Variants in KMO observed in about 807,000 individuals in gnomAD.
The protein encoded by KMO is kynurenine 3-monooxygenase.
KMO carries 24 observed loss-of-function variants against 57.8 expected under a neutral mutation model. That is an observed-to-expected ratio of 0.42 (90% confidence interval 0.30 to 0.58). The LOEUF (loss-of-function observed/expected upper bound fraction) is 0.58. Among genes scored for constraint, KMO ranks in the 20% least tolerant of loss-of-function variants. KMO has a pLI of 0.22. For synonymous variants in KMO, 210 were observed against 193.6 expected (o/e 1.08, Z -0.70); for missense variants, 483 against 588.2 (o/e 0.82, Z 1.85).
chr1:241,576,015 CTTCT>C lies in KMO; in HGVS notation c.957+7371_957+7374del, dbSNP rs1166712197. On this transcript the variant is annotated intron_variant, in intron 10 of 14. Transcript: ENST00000366559. ...AATCCTTTTATCATTTTGTAATGGCCTTCTTTGTCTTTTTTTTTTTTTAACTGTT... is the reference window on the plus strand; with the variant it reads ...AATCCTTTTATCATTTTGTAATGGCCTTGTCTTTTTTTTTTTTTAACTGTT... Among the ~76,000 whole-genome samples the C allele has an allele frequency of 1.2e-3, 165 of 139,684 alleles. 2 individuals carry two copies. The highest frequency in any genetic ancestry group is 4.1e-3 in the African/African-American group (155 of 37,542). The allele number at this position is 139,684 out of a possible 152,430, so 91.6% of individuals were successfully genotyped here.
At chr1:241,554,353 C>G (rs1489260967) in intron 4 of KMO, among the ~76,000 whole-genome samples, 11 of 151,398 alleles carry the variant, frequency 7.3e-5, no homozygotes, top group Admixed American at 7.3e-4. Context: ...AATGTGATCT[C>G]GGCTCACTGC....
chr1:241,592,146 GC>G lies in KMO; in HGVS notation c.1455del (p.Ser485ArgfsTer9). On this transcript the variant is annotated frameshift_variant, in exon 15 of 15. Coordinates refer to ENST00000366559, the MANE Select transcript of KMO (RefSeq NM_003679.5). LOFTEE classifies it high-confidence loss of function. ...DSLEQISNLI[S>X]R ...CTAGAACAAATTTCCAATCTCATTA[GC>G]AGGTGATAGAAAGGTTTTGTGGTAG... The G allele has an allele frequency of 6.2e-7, 1 of 1,613,052 alleles. No individual in the cohort carries two copies. The highest frequency in any genetic ancestry group is 8.5e-7 in the Non-Finnish European group (1 of 1,179,436).
chr1:241,534,209 T>A (rs1169641640), intron 1 of KMO, among the ~76,000 whole-genome samples: 1 of 152,230 alleles, frequency 6.6e-6, no homozygotes, highest in Non-Finnish European at 1.5e-5. Flanking sequence ...CATTTTAAGA[T>A]GACAAGATAG....
At chr1:241,536,253 C>CA (rs576630718) in intron 1 of KMO, among the ~76,000 whole-genome samples, 16 of 151,696 alleles carry the variant, frequency 1.1e-4, no homozygotes, top group South Asian at 6.2e-4. Context: ...CACATCATTT[C>CA]AAAAAAAACC....
At chr1:241,548,430 T>C (rs1661235326) in intron 1 of KMO, among the ~76,000 whole-genome samples, 2 of 151,542 alleles carry the variant, frequency 1.3e-5, no homozygotes, top group East Asian at 1.9e-4. Flanking sequence ...GGGGAGGAGG[T>C]GGGGGGAGTT....
Position 241,548,832 on chromosome 1 carries a change from G to C in KMO, c.58G>C (p.Gly20Arg). The C allele has an allele frequency of 6.4e-7, 1 of 1,568,932 alleles. No homozygotes were observed. Among genetic ancestry groups the C allele is most frequent in the Non-Finnish European group, 8.8e-7 (1 of 1,140,734 alleles). The change falls in exon 2 of 15, where the codon GGC becomes CGC. Residue 20 changes from glycine (G) to arginine (R), a missense_variant. By Grantham distance (125) the Gly-to-Arg change is moderately radical. This residue lies in a region of KMO where 70 missense variants were observed against 78.4 expected (regional missense o/e 0.89). Transcript: ENST00000366559. ...TTAATTTTTTTTTAATTTCTAGGTT[G>C]GCTCATTACAAGCATGCTTTCTTGC... Reference protein sequence around the residue: ...KVAVIGGGLVGSLQACFLAKR... With the variant: ...KVAVIGGGLVRSLQACFLAKR...
chr1:241,585,771 CA>C (rs548553511), intron 10 of KMO, among the ~76,000 whole-genome samples: 98 of 136,184 alleles, frequency 7.2e-4, no homozygotes, highest in Admixed American at 1.5e-3. Flanking sequence ...AAAAAAAGAA[CA>C]AAAAAAAAAA....
chr1:241,595,134 C>G lies in KMO; in HGVS notation c.*2981C>G, dbSNP rs1164656556. On this transcript the variant is annotated 3_prime_UTR_variant, in exon 15 of 15. Transcript: ENST00000366559. ...TACAGCCTGGTGTACTTGCTAATGTCTCTTTAATTAGGTGAAGAATTTTTT... is the reference window on the plus strand; with the variant it reads ...TACAGCCTGGTGTACTTGCTAATGTGTCTTTAATTAGGTGAAGAATTTTTT... 1 of 153,942 alleles carries G rather than the reference C, an allele frequency of 6.5e-6. No individual in the cohort carries two copies. Among genetic ancestry groups the G allele is most frequent in the African/African-American group, 2.4e-5 (1 of 41,472 alleles). The allele number at this position is 153,942 out of a possible 1,614,324, so 9.5% of individuals were successfully genotyped here.
chr1:241,584,001 T>G (rs1456576148), intron 10 of KMO, among the ~76,000 whole-genome samples: 1 of 152,208 alleles, frequency 6.6e-6, no homozygotes, highest in Non-Finnish European at 1.5e-5. Flanking sequence ...TTATTATACT[T>G]TAAGTTCTAG....
chr1:241,554,739 G>C (rs1160298851), intron 4 of KMO, among the ~76,000 whole-genome samples: 1 of 151,580 alleles, frequency 6.6e-6, no homozygotes, highest in Admixed American at 6.6e-5. Flanking sequence ...GGGTGGCCAA[G>C]GTCGGTGGAT....
rs1469454648 is a variant in KMO, at chr1:241,590,116, A to G, written c.1200+3A>G. ...CCTTTATCCCTCTCTATACAATGGT[A>G]AGGTCTGGACTGAAGACTTTTCCTC... On this transcript the variant is annotated splice_donor_region_variant and intron_variant, in intron 13 of 14. Transcript: ENST00000366559. The G allele has an allele frequency of 1.2e-6, 2 of 1,610,446 alleles. No homozygotes were observed. Among genetic ancestry groups the G allele is most frequent in the Non-Finnish European group, 1.7e-6 (2 of 1,176,794 alleles).
At position 241,590,235 on chromosome 1, in the gene KMO, C is replaced by T. The variant is rs1233619231; in HGVS notation, c.1232C>T (p.Ala411Val). Reference sequence around the variant, plus strand: ...TTTTCCAGAATAAGATACCATGAGGCTGTGCAGCGTTGGCATTGGCAAAAA... The same window carrying T: ...TTTTCCAGAATAAGATACCATGAGGTTGTGCAGCGTTGGCATTGGCAAAAA... Reference protein sequence around the residue: ...VTFSRIRYHEAVQRWHWQKKV... With the variant: ...VTFSRIRYHEVVQRWHWQKKV... Residue 411 changes from alanine (A) to valine (V), a missense_variant, in exon 14 of 15, where the codon GCT (alanine) becomes GTT (valine). Physicochemically the swap from Ala to Val is moderately conservative, Grantham distance 64. Coordinates refer to ENST00000366559, the MANE Select transcript of KMO (RefSeq NM_003679.5). 6.2e-7 allele frequency: 1 copy of T among 1,613,748 alleles called. No homozygotes were observed. Among genetic ancestry groups the T allele is most frequent in the African/African-American group, 1.3e-5 (1 of 74,900 alleles).
chr1:241,556,982 C>T (rs1000559047), intron 5 of KMO, among the ~76,000 whole-genome samples: 13 of 152,034 alleles, frequency 8.6e-5, no homozygotes, highest in African/African-American at 3.1e-4. Flanking sequence ...TTGCAATCTT[C>T]AAGGCATTTC....
In KMO at chr1:241,566,533, T is replaced by C. The variant is rs1484229129; in HGVS notation, c.730T>C (p.Phe244Leu). ...TACTTTGTTCATGCCCTTTGAAGAGTTTGAAAAACTTCTAACCAGTAATGA... is the reference window on the plus strand; with the variant it reads ...TACTTTGTTCATGCCCTTTGAAGAGCTTGAAAAACTTCTAACCAGTAATGA... ...TCTLFMPFEE[F>L]EKLLTSNDVV... The change falls in exon 9 of 15, where the codon TTT becomes CTT. Residue 244 changes from phenylalanine to leucine, a missense_variant. Physicochemically the swap from Phe to Leu is conservative, Grantham distance 22. Around this residue, in one of 3 missense-constraint regions of KMO, gnomAD observed 410 missense variants for 492.3 expected, o/e 0.83. Transcript: ENST00000366559. The C allele has an allele frequency of 6.2e-7, 1 of 1,613,640 alleles. No individual in the cohort carries two copies. The highest frequency in any genetic ancestry group is 8.5e-7 in the Non-Finnish European group (1 of 1,179,658).
chr1:241,591,584 T>C (rs752643996), intron 14 of KMO, among the ~76,000 whole-genome samples: 1 of 152,180 alleles, frequency 6.6e-6, no homozygotes, highest in Non-Finnish European at 1.5e-5. Context: ...CTGGAGACTT[T>C]TGGGAAGCTT....
At chr1:241,579,045 TG>T (rs1320173989) in intron 10 of KMO, among the ~76,000 whole-genome samples, 1 of 152,112 alleles carries the variant, frequency 6.6e-6, no homozygotes, top group Non-Finnish European at 1.5e-5. Flanking sequence ...CCACAACACA[TG>T]GGAATTATGG....
chr1:241,540,879 C>T (rs1660934513), intron 1 of KMO, among the ~76,000 whole-genome samples: 1 of 151,874 alleles, frequency 6.6e-6, no homozygotes, highest in African/African-American at 2.4e-5. Flanking sequence ...GCCTTGGCAA[C>T]ATAGCAAGAT....
rs910354415 is a variant in KMO, at chr1:241,591,844, G to A, written c.1261-109G>A. On this transcript the variant is annotated intron_variant, in intron 14 of 14. Transcript: ENST00000366559. ...TCATGCAAGTAAATTGTTGTTTCAGGTTAAAGAACAAAGAGGACATTGTTT... is the reference window on the plus strand; with the variant it reads ...TCATGCAAGTAAATTGTTGTTTCAGATTAAAGAACAAAGAGGACATTGTTT... 95 of 827,206 alleles carry A rather than the reference G, an allele frequency of 1.1e-4. 3 individuals are homozygous for A. In the South Asian group the frequency reaches 1.5e-3, roughly 13 times the overall value. 51.2% of individuals were successfully genotyped at this position (827,206 alleles called of 1,614,324 possible).
chr1:241,575,597 A>T (rs979313558), intron 10 of KMO, among the ~76,000 whole-genome samples: 1 of 152,002 alleles, frequency 6.6e-6, no homozygotes, highest in Admixed American at 6.6e-5. Context: ...TTTGGAATTA[A>T]TCTTGAGTTT....
Sources: allele counts gnomAD v4.1 joint callset (sites outside exome capture counted in the v4.1 genomes callset), GRCh38; gene constraint gnomAD v4.1.1; regional missense constraint gnomAD v4.1.1; transcripts MANE v1.5; gene names NCBI Gene and HGNC (gene_info 2026-07-23, HGNC 2026-07-21).